DCC: variants seen among roughly 807,000 people sequenced by gnomAD.
DCC encodes the protein DCC netrin 1 receptor.
A neutral mutation model predicts 172.5 loss-of-function variants in DCC; 58 were observed. That is an observed-to-expected ratio of 0.34 (90% CI 0.27 to 0.42). DCC has a LOEUF of 0.42. Among genes scored for constraint, DCC ranks in the 10% least tolerant of loss-of-function variants. DCC has a pLI of 1.00. For synonymous variants in DCC, 709 were observed against 644.5 expected (o/e 1.10, Z -1.52); for missense variants, 1,740 against 1,791.0 (o/e 0.97, Z 0.51).
chr18:52,906,057 C>T lies in DCC; in HGVS notation c.426C>T (p.Phe142=). The T allele has an allele frequency of 1.2e-6, 2 of 1,609,680 alleles. No homozygotes were observed. The highest frequency in any genetic ancestry group is 1.7e-6 in the Non-Finnish European group (2 of 1,175,940). Residue 142 remains phenylalanine (F), a synonymous_variant, in exon 3 of 29, where the codon TTC becomes TTT. Transcript: ENST00000442544. Reference sequence around the variant, plus strand: ...TTTTTCTCCTAGGACCACTGAGGTTCCTTTCACAGACAGAATCTGTCACAG... The same window carrying T: ...TTTTTCTCCTAGGACCACTGAGGTTTCTTTCACAGACAGAATCTGTCACAG... ...AKVAVAGPLR[F]LSQTESVTAF... is the part of the protein sequence containing the mutation.
At chr18:52,352,494 G>C (rs959655) in intron 1 of DCC, among the ~76,000 whole-genome samples, 130,329 of 152,176 alleles carry the variant, frequency 0.86, 55,916 homozygotes, top group African/African-American at 0.89. Context: ...ACTTGGCAGC[G>C]TATGACACAC....
At chr18:53,317,400 T>A (rs991527272) in intron 13 of DCC, among the ~76,000 whole-genome samples, 18 of 152,206 alleles carry the variant, frequency 1.2e-4, no homozygotes, top group Non-Finnish European at 2.5e-4. Flanking sequence ...TATTGAGGAT[T>A]TTCACATTGA....
At chr18:53,281,051 TAAGTAGG>T (rs2056865007) in intron 12 of DCC, among the ~76,000 whole-genome samples, 1 of 152,134 alleles carries the variant, frequency 6.6e-6, no homozygotes, top group Non-Finnish European at 1.5e-5. Context: ...TCTTTTGGAA[TAAGTAGG>T]GGTTATTTTG....
At chr18:52,512,752 C>A (rs2031487667) in intron 1 of DCC, among the ~76,000 whole-genome samples, 1 of 151,862 alleles carries the variant, frequency 6.6e-6, no homozygotes, top group Non-Finnish European at 1.5e-5. Context: ...ATGATAAATG[C>A]TGGGGGGAAA....
At chr18:53,183,620 TTTTAGA>T (rs911479935) in intron 9 of DCC, among the ~76,000 whole-genome samples, 3 of 152,074 alleles carry the variant, frequency 2.0e-5, no homozygotes, top group African/African-American at 7.2e-5. Context: ...TACAAAACTC[TTTTAGA>T]TTTAAGAGTT....
At chr18:52,926,631 GA>G (rs1323963560) in intron 5 of DCC, among the ~76,000 whole-genome samples, 1 of 151,486 alleles carries the variant, frequency 6.6e-6, no homozygotes, top group African/African-American at 2.4e-5. Context: ...GAATACGCTA[GA>G]ATTTACACTG....
intron 1 of DCC, among the ~76,000 whole-genome samples, chr18:52,479,889 T>TAGTATGAA (rs1414934582): frequency 6.6e-6 from 1 of 152,074 alleles, no homozygotes; most frequent in African/African-American, 2.4e-5. Context: ...ACGGACGACT[T>TAGTATGAA]CTGCTCTCAG....
chr18:52,386,132 A>C (rs575493386), intron 1 of DCC, among the ~76,000 whole-genome samples: 1 of 152,208 alleles, frequency 6.6e-6, no homozygotes, highest in East Asian at 1.9e-4. Flanking sequence ...CCCATTTCAC[A>C]GGTGAGAAAA....
intron 19 of DCC, 121 bp downstream of exon 19, chr18:53,403,014 C>T (rs1359826873): frequency 1.3e-6 from 1 of 768,842 alleles, no homozygotes. Flanking sequence ...TCAGCTGACT[C>T]CATGACCCTT....
At chr18:53,267,499 A>G (rs1304145761) in intron 12 of DCC, among the ~76,000 whole-genome samples, 2 of 151,402 alleles carry the variant, frequency 1.3e-5, no homozygotes, top group Non-Finnish European at 2.9e-5. Flanking sequence ...TATTCTTTTG[A>G]GACAGGGTCT....
At chr18:52,957,272 G>T (rs1191776247) in intron 5 of DCC, among the ~76,000 whole-genome samples, 2 of 151,890 alleles carry the variant, frequency 1.3e-5, no homozygotes, top group Non-Finnish European at 2.9e-5. Context: ...AGAAGTGTAT[G>T]GAAAACTCAT....
intron 5 of DCC, among the ~76,000 whole-genome samples, chr18:52,938,204 G>A (rs2040408843): frequency 1.3e-5 from 2 of 152,060 alleles, no homozygotes; most frequent in South Asian, 2.1e-4. Flanking sequence ...AAAACTCAAG[G>A]TGGAGGAAAA....
chr18:53,459,401 C>T lies in DCC; in HGVS notation c.3562C>T (p.Pro1188Ser). Residue 1188 changes from proline (P) to serine (S), a missense_variant, in exon 24 of 29, where the codon CCA becomes TCA. Physicochemically the swap from Pro to Ser is moderately conservative, Grantham distance 74 (BLOSUM62 -1). This residue lies in a region of DCC where 1,732 missense variants were observed against 1,767.4 expected (regional missense o/e 0.98). Transcript: ENST00000442544. The stretch of plus-strand genomic sequence containing the variant: ...CATCCAAAGTTGCCAAGACCTCACA[C>T]CAGTCAGCCACAGCCAGTCAGAAAC... ...SPIQSCQDLT[P>S]VSHSQSETQL... is the part of the protein sequence containing the mutation. 6.2e-7 allele frequency: 1 copy of T among 1,613,982 alleles called. No homozygotes were observed. The highest frequency in any genetic ancestry group is 1.1e-5 in the South Asian group (1 of 91,076).
intron 1 of DCC, among the ~76,000 whole-genome samples, chr18:52,404,660 C>CT (rs752326763): frequency 0.021 from 2,974 of 140,802 alleles, 98 homozygotes; most frequent in African/African-American, 0.074. Flanking sequence ...TTTTTGTTTT[C>CT]TTTTTTTTTT....
At chr18:53,025,609 G>T (rs1174037324) in intron 5 of DCC, among the ~76,000 whole-genome samples, 1 of 152,016 alleles carries the variant, frequency 6.6e-6, no homozygotes, top group Non-Finnish European at 1.5e-5. Context: ...TCTAATATCT[G>T]ACTCTGATGC....
At chr18:53,305,979 G>C (rs1390120814) in intron 13 of DCC, among the ~76,000 whole-genome samples, 3 of 152,150 alleles carry the variant, frequency 2.0e-5, no homozygotes, top group Admixed American at 2.0e-4. Context: ...CAGCATTGCT[G>C]ATTCAACAAA....
chr18:53,029,762 A>G (rs1439094171), intron 5 of DCC, among the ~76,000 whole-genome samples: 3 of 152,068 alleles, frequency 2.0e-5, no homozygotes, highest in Non-Finnish European at 4.4e-5. Flanking sequence ...CACTTACTCA[A>G]CAGTCCCATG....
At chr18:53,028,134 C>T (rs1268029381) in intron 5 of DCC, among the ~76,000 whole-genome samples, 2 of 152,152 alleles carry the variant, frequency 1.3e-5, no homozygotes, top group Non-Finnish European at 2.9e-5. Flanking sequence ...AGAAAACACA[C>T]TCTCATGTTG....
chr18:53,087,208 A>G (rs1445237399), intron 7 of DCC, among the ~76,000 whole-genome samples: 6 of 152,240 alleles, frequency 3.9e-5, no homozygotes, highest in Admixed American at 2.0e-4. Context: ...ACTAGTTTAC[A>G]GTCCCACCAA....
Sources: allele counts gnomAD v4.1 joint callset (sites outside exome capture counted in the v4.1 genomes callset), GRCh38; gene constraint gnomAD v4.1.1; regional missense constraint gnomAD v4.1.1; transcripts MANE v1.5; gene names NCBI Gene and HGNC (gene_info 2026-07-23, HGNC 2026-07-21).